GRPR: variants seen among roughly 807,000 people sequenced by gnomAD.
GRPR encodes the protein gastrin-releasing peptide receptor.
GRPR carries 4 observed loss-of-function variants against 15.6 expected under a neutral mutation model. The ratio of observed to expected loss-of-function variants is 0.26; its 90% confidence interval spans 0.13 to 0.59. The LOEUF is 0.59. Ranked by LOEUF, GRPR falls within the 20% of genes least tolerant of loss-of-function variation. The pLI, the probability that GRPR is intolerant of heterozygous loss-of-function variation, is 0.90. For missense variants in GRPR, 270 were observed against 304.1 expected (o/e 0.89, Z 0.83); for synonymous variants, 128 against 126.8 (o/e 1.01, Z -0.06).
intron 1 of GRPR, among the ~76,000 whole-genome samples, 165 bp from the exon 2 acceptor site, chrX:16,150,140 T>C (rs1922672134): frequency 9.0e-6 from 1 of 110,979 alleles, no homozygotes; most frequent in African/African-American, 3.3e-5. Context: ...AAGGAGGCAC[T>C]CACTCTCAGG....
intron 1 of GRPR, among the ~76,000 whole-genome samples, chrX:16,126,326 T>A (rs1022879717): frequency 8.9e-6 from 1 of 112,134 alleles, no homozygotes; most frequent in Non-Finnish European, 1.9e-5. Flanking sequence ...AAAGAATAGG[T>A]ATTGAGCTAA....
At chrX:16,126,121 G>C (rs1209962904) in intron 1 of GRPR, among the ~76,000 whole-genome samples, 3 of 111,722 alleles carry the variant, frequency 2.7e-5, no homozygotes. Context: ...GAAAGGGAAA[G>C]CTCTTTCAAA....
rs1569128934 is a variant in GRPR at position 16,152,299 on chromosome X, T to C, written c.809T>C (p.Val270Ala). The change falls in exon 3 of 3, where the codon GTG (valine) becomes GCG (alanine). Residue 270 changes from valine to alanine, a missense_variant. This residue lies in a region of GRPR where 133 missense variants were observed against 123.4 expected (regional missense o/e 1.08). Transcript: ENST00000380289. ...KRLAKTVLVF[V>A]GLFAFCWLPN... Reference sequence around the variant, plus strand: ...CTTGCCAAGACAGTGCTGGTGTTTGTGGGCCTGTTCGCCTTCTGCTGGCTC... The same window carrying C: ...CTTGCCAAGACAGTGCTGGTGTTTGCGGGCCTGTTCGCCTTCTGCTGGCTC... The C allele has an allele frequency of 8.3e-7, 1 of 1,207,830 alleles. No individual in the cohort carries two copies. The highest frequency in any genetic ancestry group is 3.0e-5 in the East Asian group (1 of 33,841).
chrX:16,147,760 G>A (rs932863909), intron 1 of GRPR, among the ~76,000 whole-genome samples: 7 of 112,071 alleles, frequency 6.2e-5, no homozygotes, highest in Non-Finnish European at 1.3e-4. Flanking sequence ...AGAGAAGGAC[G>A]TAAGCCATTT....
chrX:16,124,060 A>G lies in GRPR; in HGVS notation c.107A>G (p.His36Arg). The G allele has an allele frequency of 8.3e-7, 1 of 1,206,682 alleles. No homozygotes were observed. Among genetic ancestry groups the G allele is most frequent in the Non-Finnish European group, 1.1e-6 (1 of 891,128 alleles). ...CTCCCCGTGAACGATGACTGGTCCC[A>G]CCCGGGGATCCTCTATGTCATCCCT... is the stretch of plus-strand genomic sequence containing the variant. Reference protein sequence around the residue: ...ADLPVNDDWSHPGILYVIPAV... With the variant: ...ADLPVNDDWSRPGILYVIPAV... The change falls in exon 1 of 3, where the codon CAC becomes CGC. Residue 36 changes from histidine (H) to arginine (R), a missense_variant. His to Arg is a conservative substitution (Grantham distance 29). This residue lies in a region of GRPR where 115 missense variants were observed against 128.8 expected (regional missense o/e 0.89). Coordinates refer to ENST00000380289, the MANE Select transcript of GRPR (RefSeq NM_005314.3).
intron 1 of GRPR, among the ~76,000 whole-genome samples, chrX:16,132,773 T>C (rs1040131420): frequency 4.5e-5 from 5 of 111,978 alleles, no homozygotes. Context: ...ATTTCTTTCT[T>C]ATCTGGACTG....
intron 1 of GRPR, among the ~76,000 whole-genome samples, chrX:16,137,267 C>T (rs1435000121): frequency 8.9e-6 from 1 of 112,089 alleles, no homozygotes; most frequent in Non-Finnish European, 1.9e-5. Flanking sequence ...GATTAGCAAA[C>T]AGTGAAATTG....
intron 1 of GRPR, among the ~76,000 whole-genome samples, chrX:16,147,671 A>G (rs1234873529): frequency 8.9e-6 from 1 of 112,017 alleles, no homozygotes; most frequent in Non-Finnish European, 1.9e-5. Context: ...ACTATATTTT[A>G]TATTTTAAAA....
intron 1 of GRPR, among the ~76,000 whole-genome samples, chrX:16,130,833 C>A (rs926003105): frequency 2.7e-5 from 3 of 112,532 alleles, no homozygotes; most frequent in Non-Finnish European, 5.6e-5. Context: ...TTCTGAAACA[C>A]ATGCTGCCCC....
intron 1 of GRPR, among the ~76,000 whole-genome samples, chrX:16,130,030 A>G (rs777910254): frequency 3.3e-4 from 37 of 111,587 alleles, no homozygotes; most frequent in Non-Finnish European, 5.8e-4. Flanking sequence ...CCTTCAAGGG[A>G]TAGTTCAAGT....
chrX:16,151,990 G>T (rs773992563), intron 2 of GRPR, among the ~76,000 whole-genome samples: 7 of 111,030 alleles, frequency 6.3e-5, no homozygotes, highest in Non-Finnish European at 1.3e-4. Flanking sequence ...ATTCTTCCTC[G>T]TGGGTTTCTG....
Position 16,124,066 on chromosome X carries a change from G to A in GRPR, c.113G>A (p.Gly38Glu). 8.3e-7 allele frequency: 1 copy of A among 1,208,563 alleles called. No individual in the cohort carries two copies. The highest frequency in any genetic ancestry group is 1.1e-6 in the Non-Finnish European group (1 of 892,674). The stretch of plus-strand genomic sequence containing the variant: ...GTGAACGATGACTGGTCCCACCCGG[G>A]GATCCTCTATGTCATCCCTGCAGTT... Reference protein sequence around the residue: ...LPVNDDWSHPGILYVIPAVYG... With the variant: ...LPVNDDWSHPEILYVIPAVYG... Residue 38 changes from glycine to glutamate, a missense_variant, in exon 1 of 3, where the codon GGG becomes GAG. Gly to Glu is a moderately conservative substitution (Grantham distance 98). Around this residue, in one of 3 missense-constraint regions of GRPR, gnomAD observed 115 missense variants for 128.8 expected, o/e 0.89. Coordinates refer to ENST00000380289, the MANE Select transcript of GRPR (RefSeq NM_005314.3).
chrX:16,146,818 G>T (rs947140566), intron 1 of GRPR, among the ~76,000 whole-genome samples: 21 of 112,073 alleles, frequency 1.9e-4, no homozygotes, highest in Admixed American at 1.1e-3. Flanking sequence ...GAAACATCTG[G>T]TCTATCTCTC....
chrX:16,152,331 C>T lies in GRPR; in HGVS notation c.841C>T (p.His281Tyr). Residue 281 changes from histidine to tyrosine, a missense_variant, in exon 3 of 3, where the codon CAT (histidine) becomes TAT (tyrosine). His to Tyr is a moderately conservative substitution (Grantham distance 83). Coordinates refer to ENST00000380289, the MANE Select transcript of GRPR (RefSeq NM_005314.3). ...GLFAFCWLPNHVIYLYRSYHY... is the reference protein window; with the variant it reads ...GLFAFCWLPNYVIYLYRSYHY... ...GTTCGCCTTCTGCTGGCTCCCCAAT[C>T]ATGTCATCTACCTGTACCGCTCCTA... The T allele has an allele frequency of 8.3e-7, 1 of 1,206,155 alleles. No homozygotes were observed. The highest frequency in any genetic ancestry group is 3.0e-5 in the East Asian group (1 of 33,820).
intron 2 of GRPR, among the ~76,000 whole-genome samples, chrX:16,151,741 A>G (rs777601955): frequency 8.9e-6 from 1 of 112,100 alleles, no homozygotes; most frequent in Non-Finnish European, 1.9e-5. Context: ...AATAATAGAG[A>G]GTTATCTTGG....
In GRPR at chrX:16,124,132, C is replaced by G. The variant is rs754025949; in HGVS notation, c.179C>G (p.Thr60Ser). 28 of 1,206,699 alleles carry G rather than the reference C, an allele frequency of 2.3e-5. No homozygotes were observed. Among genetic ancestry groups the G allele is most frequent in the Middle Eastern group, 4.6e-4 (2 of 4,370 alleles). The change falls in exon 1 of 3, where the codon ACT becomes AGT. Residue 60 changes from threonine (T) to serine (S), a missense_variant. Transcript: ENST00000380289. ...CTGATAGGCCTCATTGGCAACATCA[C>G]TTTGATCAAGATCTTCTGTACAGTC... Reference protein sequence around the residue: ...IILIGLIGNITLIKIFCTVKS... With the variant: ...IILIGLIGNISLIKIFCTVKS...
rs1310222038 is a variant in GRPR at position 16,153,296 on chromosome X, A to G, written c.*651A>G. The G allele has an allele frequency of 1.8e-5, 2 of 112,980 alleles. No individual in the cohort carries two copies. The highest frequency in any genetic ancestry group is 6.5e-5 in the African/African-American group (2 of 30,749). The allele number at this position is 112,980 out of a possible 1,213,427, so 9.3% of individuals were successfully genotyped here. On this transcript the variant is annotated 3_prime_UTR_variant, in exon 3 of 3. Transcript: ENST00000380289. ...ACTGAGGACCTAGAAGAAATGCTCA[A>G]TACATACTTTGAAAGCAAAAATACA...
At chrX:16,136,212 T>C (rs1488385558) in intron 1 of GRPR, among the ~76,000 whole-genome samples, 2 of 111,769 alleles carry the variant, frequency 1.8e-5, no homozygotes, top group African/African-American at 3.3e-5. Flanking sequence ...AAGTTTTATA[T>C]TCCATAGTTA....
chrX:16,130,035 T>A (rs1922354451), intron 1 of GRPR, among the ~76,000 whole-genome samples: 1 of 111,995 alleles, frequency 8.9e-6, no homozygotes, highest in East Asian at 2.8e-4. Context: ...AAGGGATAGT[T>A]CAAGTCCTTT....
Sources: allele counts gnomAD v4.1 joint callset (sites outside exome capture counted in the v4.1 genomes callset), GRCh38; gene constraint gnomAD v4.1.1; regional missense constraint gnomAD v4.1.1; transcripts MANE v1.5; gene names NCBI Gene and HGNC (gene_info 2026-07-23, HGNC 2026-07-21).